Variants in TTLL4 observed in about 807,000 individuals in gnomAD.
The protein encoded by TTLL4 is tubulin tyrosine ligase like 4.
Under a neutral mutation model 122.7 loss-of-function variants are expected in TTLL4, and 85 were observed. The observed-to-expected ratio is 0.69, with a 90% CI of 0.58 to 0.83. The LOEUF (loss-of-function observed/expected upper bound fraction) is 0.83. Among genes scored for constraint, TTLL4 ranks in the 40% least tolerant of loss-of-function variants. TTLL4 has a pLI of 0.00. For synonymous variants in TTLL4, 553 were observed against 563.0 expected (o/e 0.98, Z 0.25); for missense variants, 1,363 against 1,488.6 (o/e 0.92, Z 1.39).
chr2:218,753,295 C>A, intron 18 of TTLL4, 110 bp downstream of exon 18: 1 of 1,151,312 alleles, frequency 8.7e-7, no homozygotes, highest in Non-Finnish European at 1.3e-6. Context: ...CACTTCTCCG[C>A]TAGGCTCTGC....
rs776878776 is a variant in TTLL4, at chr2:218,738,977, A to G, written c.1301A>G (p.Asn434Ser). The G allele has an allele frequency of 1.1e-5, 18 of 1,613,946 alleles. No homozygotes were observed. In the South Asian group the frequency reaches 1.3e-4, roughly 12 times the overall value. ...TCACATGCCAGTGGGCTCAATCACA[A>G]CCCTGCCTGTGAATCTGTAATTGAC... is the stretch of plus-strand genomic sequence containing the variant. ...LASHASGLNH[N>S]PACESVIDSS... Residue 434 changes from asparagine (N) to serine (S), a missense_variant, in exon 3 of 20, where the codon AAC (asparagine) becomes AGC (serine). Coordinates refer to ENST00000392102, the MANE Select transcript of TTLL4 (RefSeq NM_014640.5).
chr2:218,724,029 C>T (rs889556620), intron 1 of TTLL4, among the ~76,000 whole-genome samples: 1 of 152,078 alleles, frequency 6.6e-6, no homozygotes, highest in African/African-American at 2.4e-5. Flanking sequence ...AGGAAGTATT[C>T]AGATGCAAAG....
At position 218,754,281 on chromosome 2, in the gene TTLL4, T is replaced by G. The variant is rs1943105039; in HGVS notation, c.3492T>G (p.Leu1164=). Residue 1164 remains leucine, a synonymous_variant, in exon 20 of 20, where the codon CTT becomes CTG. Transcript: ENST00000392102. ...AGGACACCAGCAAAGAGCCCAGCCT[T>G]TCTACCCAGACGTTACCTGTGATCA... The part of the protein sequence containing the change: ...DSEDTSKEPS[L]STQTLPVIKC... 6.2e-7 allele frequency: 1 copy of G among 1,614,194 alleles called. No individual in the cohort carries two copies. The highest frequency in any genetic ancestry group is 8.5e-7 in the Non-Finnish European group (1 of 1,180,028).
intron 14 of TTLL4, 35 bp downstream of exon 14, chr2:218,749,422 C>A: frequency 6.2e-6 from 10 of 1,610,658 alleles, no homozygotes; most frequent in Non-Finnish European, 8.5e-6. Flanking sequence ...ACCATAGAAT[C>A]CTTCCATTAT....
chr2:218,742,236 C>T, intron 5 of TTLL4, among the ~76,000 whole-genome samples: 1 of 152,286 alleles, frequency 6.6e-6, no homozygotes, highest in South Asian at 2.1e-4. Context: ...TCCCAAAGCA[C>T]TGAGATTAGT....
At chr2:218,734,554 T>G (rs1024666576) in intron 2 of TTLL4, among the ~76,000 whole-genome samples, 1 of 152,170 alleles carries the variant, frequency 6.6e-6, no homozygotes, top group Non-Finnish European at 1.5e-5. Flanking sequence ...TGCAGCTGAT[T>G]TTTTAAGTTG....
intron 18 of TTLL4, 187 bp from the exon 19 acceptor site, chr2:218,753,397 G>T: frequency 1.2e-6 from 1 of 808,346 alleles, no homozygotes. Context: ...TGCTTTGTAG[G>T]CCTCAACTTC....
intron 2 of TTLL4, among the ~76,000 whole-genome samples, chr2:218,730,964 T>C (rs779737407): frequency 8.9e-4 from 135 of 151,932 alleles, no homozygotes; most frequent in Non-Finnish European, 5.9e-4. Context: ...AGTAAAAAAT[T>C]AGCTAGGCAT....
intron 2 of TTLL4, among the ~76,000 whole-genome samples, chr2:218,735,921 G>A (rs2106428025): frequency 6.7e-6 from 1 of 148,366 alleles, no homozygotes; most frequent in South Asian, 2.1e-4. Flanking sequence ...CACCTGCCTT[G>A]GCCTCCCAAA....
chr2:218,725,024 C>T (rs919671859), intron 1 of TTLL4, among the ~76,000 whole-genome samples: 4 of 152,044 alleles, frequency 2.6e-5, no homozygotes, highest in Non-Finnish European at 4.4e-5. Context: ...TTCAGCTCCC[C>T]GACTAGCTGG....
intron 7 of TTLL4, 129 bp downstream of exon 7, chr2:218,745,930 A>AT: frequency 2.2e-6 from 2 of 909,958 alleles, no homozygotes; most frequent in Non-Finnish European, 3.5e-6. Context: ...ATCCAACCTC[A>AT]TAGGAGGGTG....
chr2:218,737,697 GC>G lies in TTLL4; in HGVS notation c.22del (p.His8ThrfsTer42). The G allele has an allele frequency of 6.2e-7, 1 of 1,608,506 alleles. No homozygotes were observed. Among genetic ancestry groups the G allele is most frequent in the Non-Finnish European group, 8.5e-7 (1 of 1,177,084 alleles). On this transcript the variant is annotated frameshift_variant, in exon 3 of 20. Coordinates refer to ENST00000392102, the MANE Select transcript of TTLL4 (RefSeq NM_014640.5). LOFTEE classifies it high-confidence loss of function. MASAGTQHYSIGLRQKNS... is the reference protein window; with the variant it reads MASAGTQXYSIGLRQKNS... Reference sequence around the variant, plus strand: ...CCCTCATGGCCTCAGCAGGAACACAGCACTATAGTATTGGCCTCCGCCAGAA... The same window carrying G: ...CCCTCATGGCCTCAGCAGGAACACAGACTATAGTATTGGCCTCCGCCAGAA...
chr2:218,721,577 C>G (rs893105699), intron 1 of TTLL4, among the ~76,000 whole-genome samples: 1 of 152,142 alleles, frequency 6.6e-6, no homozygotes, highest in African/African-American at 2.4e-5. Context: ...GTGCCTCACA[C>G]ATTTTGATGA....
chr2:218,747,132 G>A lies in TTLL4; in HGVS notation c.2104G>A (p.Asp702Asn), dbSNP rs781313862. The A allele has an allele frequency of 1.2e-6, 2 of 1,614,192 alleles. No homozygotes were observed. The highest frequency in any genetic ancestry group is 1.3e-5 in the African/African-American group (1 of 75,056). The change falls in exon 9 of 20, where the codon GAC becomes AAC. Residue 702 changes from aspartate to asparagine, a missense_variant. Transcript: ENST00000392102. This position sits in a 1 kb window ranked among gnomAD's most constrained non-coding sequence, Gnocchi z 4.7. ...FFPQSFILPQ[D>N]AKLLRKAWES... ...CCCCCAGTCCTTTATCCTGCCCCAG[G>A]ACGCCAAGCTCCTGCGCAAAGCGTG...
At chr2:218,743,596 A>C (rs760470811) in intron 5 of TTLL4, among the ~76,000 whole-genome samples, 9 of 152,134 alleles carry the variant, frequency 5.9e-5, no homozygotes, top group Non-Finnish European at 1.0e-4. Flanking sequence ...TATGGTGGTT[A>C]CATGTTTAGT....
downstream of TTLL4, among the ~76,000 whole-genome samples, chr2:218,757,142 A>G (rs1943167595): frequency 6.6e-6 from 1 of 152,208 alleles, no homozygotes; most frequent in African/African-American, 2.4e-5. Flanking sequence ...GGCACTTTGC[A>G]TGGTCACACC....
rs1380551808 is a variant in TTLL4 at position 218,754,225 on chromosome 2, C to T, written c.3436C>T (p.Pro1146Ser). 1.2e-6 allele frequency: 2 copies of T among 1,614,180 alleles called. No homozygotes were observed. Among genetic ancestry groups the T allele is most frequent in the Admixed American group, 3.3e-5 (2 of 60,022 alleles). The change falls in exon 20 of 20, where the codon CCC becomes TCC. Residue 1146 changes from proline (P) to serine (S), a missense_variant. This residue lies in a region of TTLL4 where 596 missense variants were observed against 655.8 expected (regional missense o/e 0.91). Transcript: ENST00000392102. ...KKTQAGLSPY[P>S]QKPSSSKDSE... ...GACTCAAGCTGGCCTTTCCCCTTAT[C>T]CCCAGAAACCCAGTTCCTCAAAGGA...
At chr2:218,749,154 TCTGC>T in intron 13 of TTLL4, 95 bp from the exon 14 acceptor site, 1 of 1,539,474 alleles carries the variant, frequency 6.5e-7, no homozygotes, top group Non-Finnish European at 8.8e-7. Context: ...CTGGGTTGCT[TCTGC>T]CTGCCTATCT....
At chr2:218,749,022 G>A (rs2106456539) in intron 13 of TTLL4, 88 bp downstream of exon 13, 1 of 1,457,854 alleles carries the variant, frequency 6.9e-7, no homozygotes, top group East Asian at 2.3e-5. Context: ...CTGGACTTTG[G>A]CCATGCTGTG....
Sources: allele counts gnomAD v4.1 joint callset (sites outside exome capture counted in the v4.1 genomes callset), GRCh38; gene constraint gnomAD v4.1.1; regional missense constraint gnomAD v4.1.1; non-coding constraint Gnocchi (gnomAD v3.1); transcripts MANE v1.5; gene names NCBI Gene and HGNC (gene_info 2026-07-23, HGNC 2026-07-21).